SIL1: variants seen among roughly 807,000 people sequenced by gnomAD.
SIL1 encodes SIL1 nucleotide exchange factor, also known as nucleotide exchange factor SIL1.
SIL1 carries 40 observed loss-of-function variants against 49.1 expected under a neutral mutation model. The observed-to-expected ratio is 0.81, with a 90% CI of 0.63 to 1.06. The LOEUF (loss-of-function observed/expected upper bound fraction) is 1.06. Among genes scored for constraint, SIL1 ranks in the 50% least tolerant of loss-of-function variants. The pLI, the probability that SIL1 is intolerant of heterozygous loss-of-function variation, is 0.00. For missense variants in SIL1, 500 were observed against 572.6 expected (o/e 0.87, Z 1.29); for synonymous variants, 253 against 250.8 (o/e 1.01, Z -0.08).
chr5:138,946,869 T>C lies in SIL1; in HGVS notation c.*248A>G, dbSNP rs925087586. ...GGGCCCAGGTTCCTGCCCTGGAGCC[T>C]GTTCCTGGATGCCCTGGGCTGAGCC... On this transcript the variant is annotated 3_prime_UTR_variant, in exon 10 of 10. Transcript: ENST00000394817. The C allele has an allele frequency of 7.2e-6, 4 of 553,032 alleles. No individual in the cohort carries two copies. The highest frequency in any genetic ancestry group is 3.8e-5 in the African/African-American group (2 of 52,950). The allele number at this position is 553,032 out of a possible 1,614,324, so 34.3% of individuals were successfully genotyped here.
chr5:138,953,636 T>C (rs561907727), intron 7 of SIL1, among the ~76,000 whole-genome samples: 1 of 152,288 alleles, frequency 6.6e-6, no homozygotes, highest in East Asian at 1.9e-4. Context: ...CCTCTCCAGA[T>C]AGGCAGGCAG....
At chr5:139,098,809 CTTT>C (rs59863544) in intron 3 of SIL1, among the ~76,000 whole-genome samples, 94 of 89,074 alleles carry the variant, frequency 1.1e-3, no homozygotes, top group African/African-American at 3.6e-3. Context: ...TTTTCTTACT[CTTT>C]TTTTTTTTTT....
At chr5:139,168,419 T>C (rs1373340991) in intron 1 of SIL1, among the ~76,000 whole-genome samples, 1 of 152,204 alleles carries the variant, frequency 6.6e-6, no homozygotes, top group Admixed American at 6.5e-5. Context: ...TGTGTATGTG[T>C]TCCTGGAGCA....
chr5:139,067,111 T>C (rs1375217713), intron 3 of SIL1, among the ~76,000 whole-genome samples: 1 of 152,198 alleles, frequency 6.6e-6, no homozygotes, highest in Non-Finnish European at 1.5e-5. Flanking sequence ...GAGTGAGCAT[T>C]ATGGAAAGAA....
chr5:139,094,850 T>C (rs1350250913), intron 3 of SIL1, among the ~76,000 whole-genome samples: 1 of 152,260 alleles, frequency 6.6e-6, no homozygotes, highest in Non-Finnish European at 1.5e-5. Context: ...TCATGTCCTC[T>C]CTGGTCTATG....
At chr5:139,076,860 G>A (rs1769963443) in intron 3 of SIL1, among the ~76,000 whole-genome samples, 1 of 152,244 alleles carries the variant, frequency 6.6e-6, no homozygotes, top group Non-Finnish European at 1.5e-5. Flanking sequence ...GCCGGGCACA[G>A]TGGCTCATGC....
rs886059976 is a variant in SIL1 at position 138,947,048 on chromosome 5, AG to A, written c.*68del. The A allele has an allele frequency of 1.4e-4, 174 of 1,245,082 alleles. No individual in the cohort carries two copies. The highest frequency in any genetic ancestry group is 2.3e-4 in the Admixed American group (12 of 52,374). 77.1% of individuals were successfully genotyped at this position (1,245,082 alleles called of 1,614,324 possible). On this transcript the variant is annotated 3_prime_UTR_variant, in exon 10 of 10. Transcript: ENST00000394817. This position sits in a 1 kb window ranked among gnomAD's most constrained non-coding sequence, Gnocchi z 4.1. Reference sequence around the variant, plus strand: ...CACTGCCAAGATGTCCTCCTGCCTGAGAAGCCCACCCACGCTGGCACCCCTC... The same window carrying A: ...CACTGCCAAGATGTCCTCCTGCCTGAAAGCCCACCCACGCTGGCACCCCTC...
intron 1 of SIL1, among the ~76,000 whole-genome samples, chr5:139,143,344 C>CACATATAT (rs1451727500): frequency 1.3e-3 from 124 of 97,472 alleles, no homozygotes; most frequent in African/African-American, 6.0e-3. Flanking sequence ...CACACACACA[C>CACATATAT]ATATATATAT....
intron 1 of SIL1, among the ~76,000 whole-genome samples, chr5:139,196,006 G>C (rs1245757462): frequency 6.6e-6 from 1 of 152,112 alleles, no homozygotes; most frequent in East Asian, 1.9e-4. Context: ...GCAACACAGC[G>C]AGACCCTGTC....
At chr5:138,953,053 G>A (rs1228427780) in intron 7 of SIL1, among the ~76,000 whole-genome samples, 1 of 152,240 alleles carries the variant, frequency 6.6e-6, no homozygotes, top group Non-Finnish European at 1.5e-5. Flanking sequence ...AAGGGGCCAA[G>A]CCAGCAGTCA....
rs957528286 is a variant in SIL1, at chr5:139,129,666, C to T, written c.-10-1813G>A. Among the ~76,000 whole-genome samples, 7 of 151,970 alleles carry T rather than the reference C, an allele frequency of 4.6e-5. No homozygotes were observed. In the East Asian group the frequency reaches 5.8e-4, roughly 13 times the overall value. ...CAGCCTGGGCAACAGAGCGAGACTC[C>T]GTCTCAAAAATAATAATAAGAGTAC... is the stretch of plus-strand genomic sequence containing the variant. On this transcript the variant is annotated intron_variant, in intron 1 of 9. Transcript: ENST00000394817.
chr5:138,977,828 C>G (rs1767425770), intron 7 of SIL1, among the ~76,000 whole-genome samples: 1 of 152,198 alleles, frequency 6.6e-6, no homozygotes, highest in Admixed American at 6.5e-5. Context: ...GCCACACTCA[C>G]CTTCTGGCTG....
intron 1 of SIL1, chr5:139,187,974 T>C (rs1307427810): frequency 2.0e-5 from 3 of 153,028 alleles, no homozygotes; most frequent in Non-Finnish European, 4.4e-5. Context: ...GCTCCAGACA[T>C]GTAAGACGTG....
intron 3 of SIL1, among the ~76,000 whole-genome samples, chr5:139,107,083 TG>T (rs1561864582): frequency 6.6e-6 from 1 of 152,200 alleles, no homozygotes; most frequent in African/African-American, 2.4e-5. Context: ...CCTCCCCAGT[TG>T]CTGTATGGCC....
intron 5 of SIL1, among the ~76,000 whole-genome samples, chr5:139,028,591 A>C (rs763751416): frequency 2.0e-5 from 3 of 152,236 alleles, no homozygotes; most frequent in East Asian, 1.9e-4. Flanking sequence ...ATAACAAAAA[A>C]TAGTACAGAG....
chr5:139,083,167 AG>A (rs532902167), intron 3 of SIL1, among the ~76,000 whole-genome samples: 1 of 152,336 alleles, frequency 6.6e-6, no homozygotes, highest in South Asian at 2.1e-4. Context: ...GGGGAATATA[AG>A]TAAGAGCACC....
intron 1 of SIL1, among the ~76,000 whole-genome samples, chr5:139,183,517 G>A (rs900225214): frequency 6.6e-6 from 1 of 152,198 alleles, no homozygotes; most frequent in African/African-American, 2.4e-5. Flanking sequence ...GTGAGAATCA[G>A]CCAGTGCTCC....
chr5:138,989,869 CAG>C (rs1389988446), intron 7 of SIL1, among the ~76,000 whole-genome samples: 2 of 152,192 alleles, frequency 1.3e-5, no homozygotes, highest in African/African-American at 2.4e-5. Context: ...CCTGAAAACT[CAG>C]AGTTTCTGAC....
At chr5:139,036,397 T>C (rs1049041356) in intron 5 of SIL1, among the ~76,000 whole-genome samples, 1 of 152,200 alleles carries the variant, frequency 6.6e-6, no homozygotes, top group Admixed American at 6.5e-5. Context: ...ATTTATTGAA[T>C]AGGGAATCCT....
Sources: allele counts gnomAD v4.1 joint callset (sites outside exome capture counted in the v4.1 genomes callset), GRCh38; gene constraint gnomAD v4.1.1; non-coding constraint Gnocchi (gnomAD v3.1); transcripts MANE v1.5; gene names NCBI Gene and HGNC (gene_info 2026-07-23, HGNC 2026-07-21).